The following GNAL variants were observed in gnomAD, a reference collection of about 807,000 sequenced individuals.
The protein encoded by GNAL is G protein subunit alpha L, also known as guanine nucleotide-binding protein G(olf) subunit alpha.
Under a neutral mutation model 55.1 loss-of-function variants are expected in GNAL, and 18 were observed. That is an observed-to-expected ratio of 0.33 (90% CI 0.23 to 0.48). The LOEUF (loss-of-function observed/expected upper bound fraction) is 0.48. Ranked by LOEUF, GNAL falls within the 20% of genes least tolerant of loss-of-function variation. The pLI is 0.99. For synonymous variants in GNAL, 253 were observed against 237.0 expected (o/e 1.07, Z -0.62); for missense variants, 412 against 614.1 (o/e 0.67, Z 3.48).
chr18:11,880,959 C>A (rs1452581838), intron 11 of GNAL, 30 bp from the exon 12 acceptor site: 5 of 1,604,034 alleles, frequency 3.1e-6, no homozygotes, highest in South Asian at 1.1e-5. Context: ...TGGGGCCGCG[C>A]AGGGCTAGTG....
chr18:11,705,138 A>G (rs574492613), intron 1 of GNAL, among the ~76,000 whole-genome samples: 2 of 152,324 alleles, frequency 1.3e-5, no homozygotes, highest in East Asian at 3.9e-4. Context: ...AACCCTAGAA[A>G]CAACCGTGCT....
chr18:11,796,590 A>AAAG (rs1568031467), intron 4 of GNAL, among the ~76,000 whole-genome samples: 1 of 132,640 alleles, frequency 7.5e-6, no homozygotes, highest in African/African-American at 3.2e-5. Flanking sequence ...AAAAAAAAAA[A>AAAG]AAAAACAAAA....
rs2036725002 is a variant in GNAL, at chr18:11,882,565, A to C, written c.*1430A>C. On this transcript the variant is annotated 3_prime_UTR_variant, in exon 12 of 12. Coordinates refer to ENST00000334049, the MANE Select transcript of GNAL (RefSeq NM_182978.4). ...GCCAGGCGTGGTGGCGGGCACCTGTAATCTCAGCTACTCGAGAGGCTGAGG... is the reference window on the plus strand; with the variant it reads ...GCCAGGCGTGGTGGCGGGCACCTGTCATCTCAGCTACTCGAGAGGCTGAGG... 1 of 152,070 alleles carries C rather than the reference A, an allele frequency of 6.6e-6. No individual in the cohort carries two copies. The highest frequency in any genetic ancestry group is 1.9e-4 in the East Asian group (1 of 5,170). The allele number at this position is 152,070 out of a possible 1,614,324, so 9.4% of individuals were successfully genotyped here.
intron 5 of GNAL, chr18:11,852,222 T>C: frequency 7.5e-7 from 1 of 1,341,344 alleles, no homozygotes; most frequent in Non-Finnish European, 1.0e-6. Context: ...AATGCTGAAA[T>C]GCCCTTCTAC....
intron 4 of GNAL, among the ~76,000 whole-genome samples, chr18:11,819,000 CGAGTGG>C (rs941121023): frequency 6.6e-6 from 1 of 152,220 alleles, no homozygotes; most frequent in African/African-American, 2.4e-5. Context: ...CCCAGCATGG[CGAGTGG>C]GAGCAGGGCG....
intron 5 of GNAL, among the ~76,000 whole-genome samples, chr18:11,830,150 T>G (rs1263058225): frequency 1.3e-5 from 2 of 152,192 alleles, no homozygotes; most frequent in African/African-American, 4.8e-5. Context: ...CACTCGCCTT[T>G]CCCCATGCTG....
intron 10 of GNAL, among the ~76,000 whole-genome samples, chr18:11,873,634 A>G (rs762457052): frequency 1.3e-5 from 2 of 152,210 alleles, no homozygotes; most frequent in Non-Finnish European, 2.9e-5. Flanking sequence ...ATCTCATTGC[A>G]GTTCATCACT....
At chr18:11,816,683 G>A (rs549890000) in intron 4 of GNAL, among the ~76,000 whole-genome samples, 6 of 151,844 alleles carry the variant, frequency 4.0e-5, no homozygotes, top group Non-Finnish European at 8.8e-5. Flanking sequence ...ATCTGATGGT[G>A]GGCACCTGTA....
chr18:11,752,823 G>C lies in GNAL; in HGVS notation c.377-30G>C. 6.6e-7 allele frequency: 1 copy of C among 1,512,580 alleles called. No homozygotes were observed. Among genetic ancestry groups the C allele is most frequent in the Non-Finnish European group, 9.2e-7 (1 of 1,087,710 alleles). 93.7% of individuals were successfully genotyped at this position (1,512,580 alleles called of 1,614,324 possible). A position where few individuals can be genotyped will look rare whatever the true frequency, so the allele number is the denominator to read the frequency against. On this transcript the variant is annotated intron_variant, in intron 1 of 11. Transcript: ENST00000334049. This position sits in a 1 kb window ranked among gnomAD's most constrained non-coding sequence, Gnocchi z 4.5. ...GAGATGGCAGCGATATCCGGACACA[G>C]ATCACAGCGTTCTTTCTGTTTGTTT...
intron 4 of GNAL, among the ~76,000 whole-genome samples, chr18:11,810,050 T>A (rs2034768471): frequency 6.6e-6 from 1 of 152,202 alleles, no homozygotes; most frequent in Admixed American, 6.5e-5. Flanking sequence ...CCACTGAGGT[T>A]CCCCAGAGCT....
chr18:11,835,123 A>T (rs73407481), intron 5 of GNAL, among the ~76,000 whole-genome samples: 7 of 152,260 alleles, frequency 4.6e-5, no homozygotes, highest in Non-Finnish European at 1.0e-4. Flanking sequence ...AAAACTCAGC[A>T]GATATACACT....
chr18:11,724,407 T>TA (rs943218403), intron 1 of GNAL, among the ~76,000 whole-genome samples: 88 of 152,316 alleles, frequency 5.8e-4, no homozygotes, highest in African/African-American at 2.1e-3. Context: ...TTCTGCCGGC[T>TA]AAAAGGATGT....
At chr18:11,822,156 C>T (rs555791610) in intron 4 of GNAL, among the ~76,000 whole-genome samples, 4 of 152,268 alleles carry the variant, frequency 2.6e-5, no homozygotes, top group East Asian at 1.9e-4. Context: ...TTCCACAGCC[C>T]GGCTTCGGGC....
rs142134965 is a variant in GNAL, at chr18:11,831,570, C to T, written c.722+6555C>T. Among the ~76,000 whole-genome samples the T allele has an allele frequency of 2.5e-3, 386 of 152,334 alleles. 1 individual carries two copies. Among genetic ancestry groups the T allele is most frequent in the African/African-American group, 7.9e-3 (329 of 41,566 alleles). On this transcript the variant is annotated intron_variant, in intron 5 of 11. Transcript: ENST00000334049. ...ACTTCAAGAAAAGGGGGGTTTTCTCCTGAGGATCTGGAAGCTGGTATTGAG... is the reference window on the plus strand; with the variant it reads ...ACTTCAAGAAAAGGGGGGTTTTCTCTTGAGGATCTGGAAGCTGGTATTGAG...
intron 1 of GNAL, among the ~76,000 whole-genome samples, chr18:11,703,667 T>C (rs2031633059): frequency 1.3e-5 from 2 of 152,198 alleles, no homozygotes; most frequent in Non-Finnish European, 2.9e-5. Context: ...TGGAGGACGA[T>C]ACTTAACTTT....
intron 1 of GNAL, among the ~76,000 whole-genome samples, chr18:11,743,038 A>G (rs2032612500): frequency 6.6e-6 from 1 of 152,220 alleles, no homozygotes; most frequent in Admixed American, 6.5e-5. Flanking sequence ...TTGTGTGGAC[A>G]CGAAATTGGA....
intron 4 of GNAL, among the ~76,000 whole-genome samples, chr18:11,807,417 T>C (rs919769678): frequency 1.1e-4 from 17 of 152,140 alleles, no homozygotes; most frequent in African/African-American, 3.9e-4. Context: ...GTCAGGAATT[T>C]AGCAGTGCGA....
intron 4 of GNAL, among the ~76,000 whole-genome samples, chr18:11,814,157 A>C (rs1486431140): frequency 6.6e-6 from 1 of 152,076 alleles, no homozygotes; most frequent in Admixed American, 6.6e-5. Flanking sequence ...ATAGAACACA[A>C]AAAAAGGATA....
chr18:11,697,396 G>A (rs1382633538), intron 1 of GNAL, among the ~76,000 whole-genome samples: 1 of 152,062 alleles, frequency 6.6e-6, no homozygotes, highest in South Asian at 2.1e-4. Flanking sequence ...AAATTAGCTG[G>A]TTACCAGCTA....
Sources: gnomAD v4.1 joint callset for allele counts (sites outside exome capture counted in the v4.1 genomes callset) on GRCh38, gnomAD v4.1.1 for gene constraint, Gnocchi (gnomAD v3.1) non-coding constraint, MANE v1.5 for transcripts, NCBI Gene and HGNC (gene_info 2026-07-23, HGNC 2026-07-21) for gene names.